Variants in WDR70 observed in about 807,000 individuals in gnomAD.
The protein encoded by WDR70 is WD repeat-containing protein 70.
WDR70 carries 53 observed loss-of-function variants against 88.6 expected under a neutral mutation model. The observed-to-expected ratio is 0.60, with a 90% CI of 0.48 to 0.75. WDR70 has a LOEUF of 0.75. WDR70 is among the 30% of genes least tolerant of loss of function. The probability of loss-of-function intolerance (pLI) is 0.00; values close to 1 mark genes in which losing one functional copy is unlikely to be tolerated. For synonymous variants in WDR70, 280 were observed against 270.0 expected, an observed-to-expected ratio of 1.04 and a Z score of -0.36; for missense variants, 610 against 823.2, an observed-to-expected ratio of 0.74 and a Z score of 3.17.
intron 9 of WDR70, among the ~76,000 whole-genome samples, chr5:37,557,728 A>T (rs1173356678): frequency 2.0e-5 from 3 of 151,954 alleles, no homozygotes; most frequent in Non-Finnish European, 2.9e-5. Context: ...TCTAATAAGG[A>T]CATTTAACTC....
Position 37,454,802 on chromosome 5 carries a change from G to C in WDR70, c.686+11430G>C, listed in dbSNP as rs137917407. 8.0e-3 allele frequency among the ~76,000 whole-genome samples: 1,219 copies of C among 152,168 alleles called. 20 individuals are homozygous for C. Among genetic ancestry groups the C allele is most frequent in the African/African-American group, 0.028 (1,155 of 41,518 alleles). Reference sequence around the variant, plus strand: ...AATTCTACAACTAAGTATAACTATAGACTTAATGTGCATAATGGAATGTGA... The same window carrying C: ...AATTCTACAACTAAGTATAACTATACACTTAATGTGCATAATGGAATGTGA... On this transcript the variant is annotated intron_variant, in intron 7 of 17. Transcript: ENST00000265107.
At chr5:37,696,664 TACACAC>T (rs140423759) in intron 10 of WDR70, among the ~76,000 whole-genome samples, 1 of 140,654 alleles carries the variant, frequency 7.1e-6, no homozygotes, top group Admixed American at 7.8e-5. Flanking sequence ...GGTACACAGG[TACACAC>T]ACACGCGCGT....
At chr5:37,678,414 T>C (rs1414365506) in intron 10 of WDR70, among the ~76,000 whole-genome samples, 1 of 152,238 alleles carries the variant, frequency 6.6e-6, no homozygotes, top group Non-Finnish European at 1.5e-5. Flanking sequence ...GGAGCTCTTT[T>C]AGGGCAGGCC....
At chr5:37,445,272 A>G (rs1345526231) in intron 7 of WDR70, among the ~76,000 whole-genome samples, 2 of 135,112 alleles carry the variant, frequency 1.5e-5, no homozygotes, top group South Asian at 2.8e-4. Flanking sequence ...TACTTGAGAT[A>G]GGCAAGAACT....
intron 10 of WDR70, among the ~76,000 whole-genome samples, chr5:37,681,371 C>A (rs1746431292): frequency 6.6e-6 from 1 of 152,146 alleles, no homozygotes; most frequent in African/African-American, 2.4e-5. Context: ...ATGTTGTCTG[C>A]AAACAGGGAT....
chr5:37,674,408 G>A (rs1202585918), intron 10 of WDR70, among the ~76,000 whole-genome samples: 1 of 151,886 alleles, frequency 6.6e-6, no homozygotes, highest in Non-Finnish European at 1.5e-5. Flanking sequence ...ACAGTCCCCA[G>A]AGTGTGATGT....
At chr5:37,703,429 G>T (rs1350748881) in intron 13 of WDR70, among the ~76,000 whole-genome samples, 1 of 152,180 alleles carries the variant, frequency 6.6e-6, no homozygotes, top group East Asian at 1.9e-4. Context: ...AGGGATTGTC[G>T]ACAGAAGTGA....
chr5:37,608,454 T>C (rs1744096597), intron 10 of WDR70, among the ~76,000 whole-genome samples: 2 of 152,128 alleles, frequency 1.3e-5, no homozygotes, highest in African/African-American at 2.4e-5. Context: ...CATATTTAAA[T>C]TGCAGCCTTC....
At chr5:37,657,781 C>T (rs1462325862) in intron 10 of WDR70, among the ~76,000 whole-genome samples, 1 of 152,218 alleles carries the variant, frequency 6.6e-6, no homozygotes, top group Non-Finnish European at 1.5e-5. Flanking sequence ...AGTAAGTCTT[C>T]TCTGCCTTAC....
intron 5 of WDR70, among the ~76,000 whole-genome samples, chr5:37,433,584 A>G (rs1750379965): frequency 6.6e-6 from 1 of 152,188 alleles, no homozygotes; most frequent in Non-Finnish European, 1.5e-5. Context: ...TATAACACAT[A>G]CACCCTTGCT....
At chr5:37,384,230 G>A (rs6451314) in intron 3 of WDR70, among the ~76,000 whole-genome samples, 3,612 of 144,534 alleles carry the variant, frequency 0.025, 147 homozygotes, top group African/African-American at 0.088. Context: ...TGCTTAGACA[G>A]GTGTGCAGTG....
chr5:37,524,335 TAAAGA>T (rs1334741168), intron 9 of WDR70, among the ~76,000 whole-genome samples: 1 of 152,114 alleles, frequency 6.6e-6, no homozygotes, highest in Non-Finnish European at 1.5e-5. Context: ...TCAACATTCT[TAAAGA>T]AAAGAATTTT....
chr5:37,385,073 A>G (rs191194526), intron 3 of WDR70, among the ~76,000 whole-genome samples: 2 of 152,336 alleles, frequency 1.3e-5, no homozygotes, highest in East Asian at 3.9e-4. Flanking sequence ...AAAGAATATT[A>G]TAAATGATAC....
At chr5:37,636,428 A>G (rs7708708) in intron 10 of WDR70, among the ~76,000 whole-genome samples, 16,195 of 152,202 alleles carry the variant, frequency 0.11, 2,772 homozygotes, top group African/African-American at 0.36. Context: ...TGCTAAAATT[A>G]GTTGAGCAAA....
chr5:37,728,349 A>G (rs1748047129), intron 17 of WDR70, among the ~76,000 whole-genome samples: 1 of 58,800 alleles, frequency 1.7e-5, no homozygotes, highest in South Asian at 4.6e-4. Flanking sequence ...CCTTGCCTCC[A>G]AAAAAAAAAA....
chr5:37,646,060 C>G (rs1745229265), intron 10 of WDR70, among the ~76,000 whole-genome samples: 1 of 151,652 alleles, frequency 6.6e-6, no homozygotes, highest in African/African-American at 2.4e-5. Flanking sequence ...TTCTTTCTTT[C>G]TTTTAGTGAA....
At chr5:37,492,375 C>T (rs78874933) in intron 8 of WDR70, among the ~76,000 whole-genome samples, 11,222 of 152,228 alleles carry the variant, frequency 0.074, 576 homozygotes, top group Non-Finnish European at 0.11. Context: ...AATTGCTACA[C>T]CCAAAGCTCT....
chr5:37,457,220 C>G (rs916876921), intron 7 of WDR70, among the ~76,000 whole-genome samples: 6 of 152,158 alleles, frequency 3.9e-5, no homozygotes, highest in Admixed American at 3.3e-4. Flanking sequence ...CTCAACCTCC[C>G]AAGTAGCTGG....
rs1214326829 is a variant in WDR70 at position 37,451,317 on chromosome 5, C to T, written c.686+7945C>T. Among the ~76,000 whole-genome samples the T allele has an allele frequency of 6.6e-5, 10 of 152,252 alleles. 1 individual carries two copies. The South Asian group carries it at 1.5e-3, about 22-fold the overall frequency. ...TTTGATTGAGTATTCCTAGGGTCAT[C>T]ACTTGATGATTCCAGTAGTTTAAGA... On this transcript the variant is annotated intron_variant, in intron 7 of 17. Coordinates refer to ENST00000265107, the MANE Select transcript of WDR70 (RefSeq NM_018034.4).
Sources: gnomAD v4.1 joint callset for allele counts (sites outside exome capture counted in the v4.1 genomes callset) on GRCh38, gnomAD v4.1.1 for gene constraint, MANE v1.5 for transcripts, NCBI Gene and HGNC (gene_info 2026-07-23, HGNC 2026-07-21) for gene names.